The following XYLT1 variants were observed in gnomAD, a reference collection of about 807,000 sequenced individuals.
XYLT1 encodes the protein beta-D-xylosyltransferase 1.
Under a neutral mutation model 91.3 loss-of-function variants are expected in XYLT1, and 36 were observed. The observed-to-expected ratio is 0.39, with a 90% CI of 0.30 to 0.52. The LOEUF (loss-of-function observed/expected upper bound fraction) is 0.52. Ranked by LOEUF, XYLT1 falls within the 20% of genes least tolerant of loss-of-function variation. The pLI, the probability that XYLT1 is intolerant of heterozygous loss-of-function variation, is 0.68. For missense variants in XYLT1, 1,242 were observed against 1,284.5 expected (o/e 0.97, Z 0.51); for synonymous variants, 588 against 532.0 (o/e 1.11, Z -1.45).
chr16:17,366,248 G>C (rs2035453118), intron 1 of XYLT1, among the ~76,000 whole-genome samples: 1 of 152,150 alleles, frequency 6.6e-6, no homozygotes, highest in African/African-American at 2.4e-5. Context: ...TAGCTGGCCT[G>C]GCTACTGCAA....
chr16:17,432,958 G>A (rs911816987), intron 1 of XYLT1, among the ~76,000 whole-genome samples: 12 of 152,064 alleles, frequency 7.9e-5, no homozygotes, highest in Middle Eastern at 3.2e-3. Context: ...AGCATCACTC[G>A]GGCAGAGACG....
intron 2 of XYLT1, among the ~76,000 whole-genome samples, chr16:17,265,177 ACT>A (rs762503201): frequency 4.6e-5 from 7 of 152,038 alleles, no homozygotes; most frequent in Non-Finnish European, 8.8e-5. Context: ...ACAGAGTGAG[ACT>A]CTGTCTCAAA....
Position 17,256,052 on chromosome 16 carries a change from C to A in XYLT1, c.913+2936G>T, listed in dbSNP as rs150973455. Among the ~76,000 whole-genome samples, 383 of 152,162 alleles carry A rather than the reference C, an allele frequency of 2.5e-3. 1 individual carries two copies. Among genetic ancestry groups the A allele is most frequent in the African/African-American group, 8.8e-3 (365 of 41,520 alleles). ...ACAGATAGAAAACAAAAGTATTGCA[C>A]AGACACATGCTTGCTACTAGAAACT... On this transcript the variant is annotated intron_variant, in intron 3 of 11. Transcript: ENST00000261381.
At chr16:17,158,043 G>C (rs2031454125) in intron 6 of XYLT1, among the ~76,000 whole-genome samples, 1 of 150,950 alleles carries the variant, frequency 6.6e-6, no homozygotes, top group Non-Finnish European at 1.5e-5. Context: ...CACTGCGCCT[G>C]GCCTTTAATG....
chr16:17,347,945 G>A (rs1352997199), intron 2 of XYLT1, among the ~76,000 whole-genome samples: 1 of 152,116 alleles, frequency 6.6e-6, no homozygotes, highest in Non-Finnish European at 1.5e-5. Context: ...CACGGGAGAG[G>A]GCAGCCCCAC....
At chr16:17,239,212 C>CCATCCATT in intron 3 of XYLT1, among the ~76,000 whole-genome samples, 1 of 142,122 alleles carries the variant, frequency 7.0e-6, no homozygotes, top group South Asian at 2.4e-4. Flanking sequence ...ATCCATCCAT[C>CCATCCATT]CATCCATTCA....
intron 3 of XYLT1, among the ~76,000 whole-genome samples, chr16:17,202,770 C>A (rs75250309): frequency 3.7e-4 from 57 of 152,046 alleles, no homozygotes; most frequent in African/African-American, 1.3e-3. Flanking sequence ...TCTGAACACA[C>A]CACTAGAACA....
intron 2 of XYLT1, among the ~76,000 whole-genome samples, chr16:17,300,906 T>C (rs2034385765): frequency 6.6e-6 from 1 of 152,186 alleles, no homozygotes; most frequent in Non-Finnish European, 1.5e-5. Flanking sequence ...AAGCACCGTC[T>C]AGAGCAATCC....
At chr16:17,118,385 T>C (rs1269113415) in intron 10 of XYLT1, among the ~76,000 whole-genome samples, 1 of 152,180 alleles carries the variant, frequency 6.6e-6, no homozygotes, top group East Asian at 1.9e-4. Context: ...AATTCCATCC[T>C]TGGTTTTCTA....
chr16:17,392,944 T>C (rs988506586), intron 1 of XYLT1, among the ~76,000 whole-genome samples: 110 of 152,318 alleles, frequency 7.2e-4, no homozygotes, highest in Middle Eastern at 3.4e-3. Flanking sequence ...TCCTTTCAAA[T>C]GCAAGATGTG....
chr16:17,154,992 T>C (rs559541351), intron 6 of XYLT1, among the ~76,000 whole-genome samples: 1 of 152,320 alleles, frequency 6.6e-6, no homozygotes, highest in Admixed American at 6.5e-5. Flanking sequence ...ACACATGAAA[T>C]ACCAGAATGG....
chr16:17,349,038 G>A (rs368519686), intron 2 of XYLT1, among the ~76,000 whole-genome samples: 75 of 152,350 alleles, frequency 4.9e-4, no homozygotes, highest in African/African-American at 1.7e-3. Context: ...TGAAGTCAAT[G>A]GCGGTGGGGG....
intron 1 of XYLT1, among the ~76,000 whole-genome samples, chr16:17,407,251 G>A (rs947862110): frequency 2.6e-5 from 4 of 151,998 alleles, no homozygotes; most frequent in Non-Finnish European, 4.4e-5. Flanking sequence ...TGCCTGCCTC[G>A]GCCTCCCAAA....
chr16:17,172,466 CTTTTTTTTTTTTT>C, intron 5 of XYLT1, among the ~76,000 whole-genome samples: 1 of 102,630 alleles, frequency 9.7e-6, no homozygotes, highest in South Asian at 3.1e-4. Context: ...GCGTTCATTT[CTTTTTTTTTTTTT>C]TTTTTTTTTG....
intron 1 of XYLT1, among the ~76,000 whole-genome samples, chr16:17,437,165 C>G (rs2036469168): frequency 6.6e-6 from 1 of 152,024 alleles, no homozygotes; most frequent in Admixed American, 6.5e-5. Flanking sequence ...CCTTAGACTA[C>G]ATTTGGAACA....
At chr16:17,232,393 GTGTGTC>G (rs1222362298) in intron 3 of XYLT1, among the ~76,000 whole-genome samples, 4 of 128,404 alleles carry the variant, frequency 3.1e-5, no homozygotes, top group African/African-American at 9.6e-5. Context: ...GACTGTGTCT[GTGTGTC>G]TGTGTCTGTG....
chr16:17,241,234 G>T (rs540101522), intron 3 of XYLT1, among the ~76,000 whole-genome samples: 1 of 152,228 alleles, frequency 6.6e-6, no homozygotes, highest in Non-Finnish European at 1.5e-5. Context: ...GCACCTAATG[G>T]TGCAGTTCCT....
intron 3 of XYLT1, among the ~76,000 whole-genome samples, chr16:17,233,625 A>C (rs932195247): frequency 6.6e-6 from 1 of 152,214 alleles, no homozygotes; most frequent in African/African-American, 2.4e-5. Flanking sequence ...GTTTTAAATT[A>C]AAATAGTTGT....
chr16:17,168,996 T>A (rs986901612), intron 5 of XYLT1, among the ~76,000 whole-genome samples: 5 of 152,236 alleles, frequency 3.3e-5, no homozygotes, highest in African/African-American at 1.2e-4. Context: ...TCTGTGTTCT[T>A]TCATAACTCT....
Sources: allele counts gnomAD v4.1 joint callset (sites outside exome capture counted in the v4.1 genomes callset), GRCh38; gene constraint gnomAD v4.1.1; transcripts MANE v1.5; gene names NCBI Gene and HGNC (gene_info 2026-07-23, HGNC 2026-07-21).